The following TRIM72 variants were observed in gnomAD, a reference collection of about 807,000 sequenced individuals.
TRIM72 encodes tripartite motif-containing protein 72.
A neutral mutation model predicts 31.6 loss-of-function variants in TRIM72; 33 were observed. The ratio of observed to expected loss-of-function variants is 1.04; its 90% CI spans 0.79 to 1.40. The LOEUF (loss-of-function observed/expected upper bound fraction) is 1.40. Among genes scored for constraint, TRIM72 ranks in the 40% most tolerant of loss-of-function variants. TRIM72 has a pLI of 0.00. For missense variants in TRIM72, 666 were observed against 682.7 expected (o/e 0.98, Z 0.27); for synonymous variants, 301 against 314.4 (o/e 0.96, Z 0.45).
In TRIM72 at chr16:31,215,678, C is replaced by T. The variant is rs2079504962; in HGVS notation, c.390+550C>T. Among the ~76,000 whole-genome samples the T allele has an allele frequency of 6.6e-6, 1 of 152,240 alleles. No individual in the cohort carries two copies. Among genetic ancestry groups the T allele is most frequent in the African/African-American group, 2.4e-5 (1 of 41,460 alleles). On this transcript the variant is annotated intron_variant, in intron 2 of 6. Coordinates refer to ENST00000322122, the MANE Select transcript of TRIM72 (RefSeq NM_001008274.4). The surrounding 1 kb of genome is among the most constrained non-coding windows in gnomAD (Gnocchi z 6.3). ...TGGCCTGACGGTCCCCAGGCGGGGC[C>T]TCACCAGAAGGGAGACTGTAAGGGC...
Position 31,222,860 on chromosome 16 carries a change from C to A in TRIM72, c.774C>A (p.Pro258=), listed in dbSNP as rs746269170. ...AGATCCTGGCAGAGTCTCCCCCACC[C>A]GCCCGTCTGGACATCCAGCTGCCAA... The part of the protein sequence containing the change: ...LQKILAESPP[P]ARLDIQLPII... Residue 258 remains proline (P), a synonymous_variant, in exon 6 of 7, where the codon CCC becomes CCA. Transcript: ENST00000322122. The A allele has an allele frequency of 3.9e-6, 6 of 1,548,726 alleles. No homozygotes were observed. The highest frequency in any genetic ancestry group is 5.2e-6 in the Non-Finnish European group (6 of 1,154,416).
intron 5 of TRIM72, among the ~76,000 whole-genome samples, 192 bp downstream of exon 5, chr16:31,221,110 G>A (rs747221427): frequency 1.4e-4 from 22 of 152,190 alleles, no homozygotes; most frequent in Non-Finnish European, 2.8e-4. Flanking sequence ...CTCCTAGATT[G>A]GTGCCGTGAG....
chr16:31,222,821 C>CCCCCCT lies in TRIM72; in HGVS notation c.741-3_741-2insCCTCCC. Reference sequence around the variant, plus strand: ...ACATGCCTCCCCTTCCCCTCCCCACCCCCAGGCTGCAGAAGATCCTGGCAG... The same window carrying CCCCCCT: ...ACATGCCTCCCCTTCCCCTCCCCACCCCCCCTCCCAGGCTGCAGAAGATCCTGGCAG... On this transcript the variant is annotated splice_polypyrimidine_tract_variant and splice_region_variant and intron_variant, in intron 5 of 6. Coordinates refer to ENST00000322122, the MANE Select transcript of TRIM72 (RefSeq NM_001008274.4). 7.5e-7 allele frequency: 1 copy of CCCCCCT among 1,333,062 alleles called. No homozygotes were observed. Among genetic ancestry groups the CCCCCCT allele is most frequent in the Non-Finnish European group, 1.0e-6 (1 of 979,548 alleles). 82.6% of individuals were successfully genotyped at this position (1,333,062 alleles called of 1,614,324 possible).
intron 6 of TRIM72, 79 bp from the exon 7 acceptor site, chr16:31,224,102 A>C: frequency 3.3e-6 from 5 of 1,495,062 alleles, no homozygotes; most frequent in Non-Finnish European, 4.5e-6. Flanking sequence ...AGGGGAGAGA[A>C]AGCTGGCCTG....
chr16:31,214,626 C>G, intron 1 of TRIM72, 106 bp from the exon 2 acceptor site: 1 of 1,245,068 alleles, frequency 8.0e-7, no homozygotes. Context: ...CAGGCTGGGG[C>G]TTCTCCCTGC....
intron 6 of TRIM72, among the ~76,000 whole-genome samples, 160 bp downstream of exon 6, chr16:31,223,105 G>A (rs1378379298): frequency 6.6e-6 from 1 of 152,130 alleles, no homozygotes; most frequent in Non-Finnish European, 1.5e-5. Flanking sequence ...TCTAACCTGT[G>A]TTGGGAGGAG....
rs957274868 is a variant in TRIM72, at chr16:31,216,442, A to G, written c.390+1314A>G. 2.7e-6 allele frequency: 1 copy of G among 367,360 alleles called. No homozygotes were observed. Among genetic ancestry groups the G allele is most frequent in the Non-Finnish European group, 4.9e-6 (1 of 204,502 alleles). 22.8% of individuals were successfully genotyped at this position (367,360 alleles called of 1,614,324 possible). ...GCCGCTAAAAAAAAAACAAAAAACAAACAAACAAAAAAAACCCAACCTCGC... is the reference window on the plus strand; with the variant it reads ...GCCGCTAAAAAAAAAACAAAAAACAGACAAACAAAAAAAACCCAACCTCGC... On this transcript the variant is annotated intron_variant, in intron 2 of 6. Transcript: ENST00000322122. The surrounding 1 kb of genome is among the most constrained non-coding windows in gnomAD (Gnocchi z 6.7).
chr16:31,220,932 G>A lies in TRIM72; in HGVS notation c.740+14G>A, dbSNP rs1292471445. 4.3e-6 allele frequency: 7 copies of A among 1,613,972 alleles called. No homozygotes were observed. The East Asian group carries it at 8.9e-5, about 21-fold the overall frequency. The stretch of plus-strand genomic sequence containing the variant: ...GGTGACCAGCAGGTGAGAGCAACCT[G>A]GCCCTGTCCCTTTGCCCGACTTGTC... On this transcript the variant is annotated intron_variant, in intron 5 of 6. Transcript: ENST00000322122.
chr16:31,216,699 G>A lies in TRIM72; in HGVS notation c.390+1571G>A, dbSNP rs1423627945. ...AGGCTCTGGGCGGGACCTGACGCGT[G>A]GGTCCTTGGCGAGGAAGCGGGGTTG... is the stretch of plus-strand genomic sequence containing the variant. On this transcript the variant is annotated intron_variant, in intron 2 of 6. Transcript: ENST00000322122. The surrounding 1 kb of genome is among the most constrained non-coding windows in gnomAD (Gnocchi z 6.7). The A allele has an allele frequency of 5.2e-6, 8 of 1,545,252 alleles. No individual in the cohort carries two copies. Among genetic ancestry groups the A allele is most frequent in the Middle Eastern group, 2.4e-4 (1 of 4,242 alleles).
At chr16:31,214,677 T>C (rs909937479) in intron 1 of TRIM72, 55 bp from the exon 2 acceptor site, 1 of 1,429,860 alleles carries the variant, frequency 7.0e-7, no homozygotes, top group Non-Finnish European at 9.1e-7. Context: ...GGGCCAGGGC[T>C]GGGCCGGGAG....
At chr16:31,217,325 T>C in intron 2 of TRIM72, 1 of 393,570 alleles carries the variant, frequency 2.5e-6, no homozygotes, top group East Asian at 4.4e-5. Context: ...ACTGATTCCA[T>C]GGTCAGGCAC....
chr16:31,223,899 C>A (rs1335553375), intron 6 of TRIM72, among the ~76,000 whole-genome samples: 2 of 151,838 alleles, frequency 1.3e-5, no homozygotes, highest in Non-Finnish European at 2.9e-5. Context: ...GAGTGAGACC[C>A]CGCCTCAAAA....
In TRIM72 at chr16:31,215,004, AC is replaced by A; in HGVS notation, c.268del (p.Leu90TrpfsTer4). 1.3e-6 allele frequency: 2 copies of A among 1,502,162 alleles called. No homozygotes were observed. Among genetic ancestry groups the A allele is most frequent in the Non-Finnish European group, 1.8e-6 (2 of 1,133,766 alleles). The allele number at this position is 1,502,162 out of a possible 1,614,324, so 93.1% of individuals were successfully genotyped here. ...GTGCCGCAGGGCCACTGCGAGGAGC[AC>A]CTGGACCCGCTGAGCATCTACTGCG... is the stretch of plus-strand genomic sequence containing the variant. ...AQVPQGHCEE[H>X]LDPLSIYCEQ... On this transcript the variant is annotated frameshift_variant, in exon 2 of 7. Transcript: ENST00000322122. LOFTEE classifies it high-confidence loss of function. This position sits in a 1 kb window ranked among gnomAD's most constrained non-coding sequence, Gnocchi z 6.3.
rs763394921 is a variant in TRIM72 at position 31,224,652 on chromosome 16, G to T, written c.1331G>T (p.Arg444Leu). ...ALVPLFAFHE[R>L]LPRPVYPFFD... ...GTGCCGCTTTTTGCCTTCCACGAGC[G>T]CCTGCCCAGGCCCGTGTACCCCTTC... Residue 444 changes from arginine (R) to leucine (L), a missense_variant, in exon 7 of 7, where the codon CGC becomes CTC. By Grantham distance (102) the Arg-to-Leu change is moderately radical (BLOSUM62 -2). Transcript: ENST00000322122. 3 of 1,547,104 alleles carry T rather than the reference G, an allele frequency of 1.9e-6. No individual in the cohort carries two copies. Among genetic ancestry groups the T allele is most frequent in the Non-Finnish European group, 1.7e-6 (2 of 1,153,084 alleles).
At position 31,216,967 on chromosome 16, in the gene TRIM72, T is replaced by C. The variant is rs952070930; in HGVS notation, c.390+1839T>C. 7 of 1,614,050 alleles carry C rather than the reference T, an allele frequency of 4.3e-6. No individual in the cohort carries two copies. Among genetic ancestry groups the C allele is most frequent in the Non-Finnish European group, 5.9e-6 (7 of 1,180,022 alleles). On this transcript the variant is annotated intron_variant, in intron 2 of 6. Transcript: ENST00000322122. This position sits in a 1 kb window ranked among gnomAD's most constrained non-coding sequence, Gnocchi z 6.7. Reference sequence around the variant, plus strand: ...CGTCCCCAGCTTCATCTTGAACTTCTTGAGCTCCTCCGGTGTCAGGTTCTC... The same window carrying C: ...CGTCCCCAGCTTCATCTTGAACTTCCTGAGCTCCTCCGGTGTCAGGTTCTC...
intron 5 of TRIM72, 42 bp from the exon 6 acceptor site, chr16:31,222,785 T>TTCC: frequency 4.5e-6 from 2 of 447,436 alleles, no homozygotes; most frequent in South Asian, 2.4e-5. Context: ...GCCCTTGTCC[T>TTCC]CCCCCCTCAC....
rs1406540946 is a variant in TRIM72, at chr16:31,216,762, C to T, written c.390+1634C>T. 2 of 1,599,852 alleles carry T rather than the reference C, an allele frequency of 1.3e-6. No individual in the cohort carries two copies. The highest frequency in any genetic ancestry group is 1.7e-6 in the Non-Finnish European group (2 of 1,170,148). On this transcript the variant is annotated intron_variant, in intron 2 of 6. Coordinates refer to ENST00000322122, the MANE Select transcript of TRIM72 (RefSeq NM_001008274.4). This position sits in a 1 kb window ranked among gnomAD's most constrained non-coding sequence, Gnocchi z 6.7. ...ACGTACCAGCTCAGAGTGGCCCTCA[C>T]GCAGCCCGCTGCAGCCGTGCGGCCT...
Position 31,215,244 on chromosome 16 carries a change from A to T in TRIM72, c.390+116A>T. The T allele has an allele frequency of 6.2e-3, 2,663 of 428,128 alleles. No homozygotes were observed. The highest frequency in any genetic ancestry group is 9.2e-3 in the East Asian group (89 of 9,724). 26.5% of individuals were successfully genotyped at this position (428,128 alleles called of 1,614,324 possible). Reference sequence around the variant, plus strand: ...TCTAGAGAGGCTCACGAGCTCCTGGAGTTGCGGGGGGCGGGGGCGGGGCGA... The same window carrying T: ...TCTAGAGAGGCTCACGAGCTCCTGGTGTTGCGGGGGGCGGGGGCGGGGCGA... On this transcript the variant is annotated intron_variant, in intron 2 of 6. Coordinates refer to ENST00000322122, the MANE Select transcript of TRIM72 (RefSeq NM_001008274.4). The surrounding 1 kb of genome is among the most constrained non-coding windows in gnomAD (Gnocchi z 6.3).
At chr16:31,223,259 G>T (rs1046941637) in intron 6 of TRIM72, among the ~76,000 whole-genome samples, 1 of 152,134 alleles carries the variant, frequency 6.6e-6, no homozygotes, top group Admixed American at 6.5e-5. Flanking sequence ...CTGGACGGTG[G>T]AGATGATAAA....
Sources: allele counts gnomAD v4.1 joint callset (sites outside exome capture counted in the v4.1 genomes callset), GRCh38; gene constraint gnomAD v4.1.1; non-coding constraint Gnocchi (gnomAD v3.1); transcripts MANE v1.5; gene names NCBI Gene and HGNC (gene_info 2026-07-23, HGNC 2026-07-21).